The following PTPRG variants were observed in gnomAD, a reference collection of about 807,000 sequenced individuals.
PTPRG encodes the protein receptor-type tyrosine-protein phosphatase gamma.
A neutral mutation model predicts 165.3 loss-of-function variants in PTPRG; 102 were observed. The ratio of observed to expected loss-of-function variants is 0.62; its 90% CI spans 0.53 to 0.73. PTPRG has a LOEUF of 0.73. Among genes scored for constraint, PTPRG ranks in the 30% least tolerant of loss-of-function variants. The pLI, the probability that PTPRG is intolerant of heterozygous loss-of-function variation, is 0.00. For synonymous variants in PTPRG, 675 were observed against 669.5 expected (o/e 1.01, Z -0.13); for missense variants, 1,866 against 1,861.4 (o/e 1.00, Z -0.05).
At chr3:62,264,145 GAA>G (rs778448006) in intron 17 of PTPRG, 19 of 130,598 alleles carry the variant, frequency 1.5e-4, no homozygotes, top group Non-Finnish European at 1.8e-4. Context: ...GACTCCATCT[GAA>G]AAAAAAAAAA....
Position 62,080,061 on chromosome 3 carries a change from C to CTTTTTTTTTTTTT in PTPRG, c.615+1803_615+1804insTTTTTTTTTTTTT, listed in dbSNP as rs774262138. ...GAGTTCTGTCTGGACCCCTTCGGTT[C>CTTTTTTTTTTTTT]ATTTTTTTTTTTTTTTTTTTTGAGA... On this transcript the variant is annotated intron_variant, in intron 5 of 29. Transcript: ENST00000474889. Among the ~76,000 whole-genome samples the CTTTTTTTTTTTTT allele has an allele frequency of 5.4e-5, 6 of 111,568 alleles. 1 individual carries two copies. The highest frequency in any genetic ancestry group is 9.5e-5 in the Admixed American group (1 of 10,570). 73.2% of individuals were successfully genotyped at this position (111,568 alleles called of 152,430 possible).
chr3:61,970,801 A>C (rs2040364961), intron 2 of PTPRG, among the ~76,000 whole-genome samples: 1 of 150,122 alleles, frequency 6.7e-6, no homozygotes, highest in Non-Finnish European at 1.5e-5. Flanking sequence ...TCACCCAATA[A>C]AGGAATTTGA....
At chr3:62,107,651 C>T (rs968708413) in intron 5 of PTPRG, among the ~76,000 whole-genome samples, 1 of 152,106 alleles carries the variant, frequency 6.6e-6, no homozygotes, top group African/African-American at 2.4e-5. Context: ...ATGTACAAAA[C>T]ACATATTTTG....
At chr3:61,638,733 C>T (rs1187279634) in intron 1 of PTPRG, among the ~76,000 whole-genome samples, 3 of 151,568 alleles carry the variant, frequency 2.0e-5, no homozygotes, top group African/African-American at 4.8e-5. Context: ...CCACCGTGCC[C>T]AGCCTTGCCA....
rs372266261 is a variant in PTPRG, at chr3:62,026,766, G to T, written c.519+23269G>T. ...CCAGGCGTGGTGGCACGTGCCTGTA[G>T]TCCCAGCTACTCAGGAGTCTGAGGC... On this transcript the variant is annotated intron_variant, in intron 4 of 29. Transcript: ENST00000474889. 2.0e-5 allele frequency among the ~76,000 whole-genome samples: 3 copies of T among 151,378 alleles called. 1 individual carries two copies. The highest frequency in any genetic ancestry group is 7.3e-5 in the African/African-American group (3 of 41,162).
intron 1 of PTPRG, among the ~76,000 whole-genome samples, chr3:61,647,751 C>T (rs985106451): frequency 7.1e-6 from 1 of 141,638 alleles, no homozygotes; most frequent in Non-Finnish European, 1.5e-5. Context: ...GAGATCACAC[C>T]ACTGCACTCC....
chr3:62,229,684 C>T lies in PTPRG; in HGVS notation c.2289-1541C>T, dbSNP rs547099278. ...CTCAGAATTAACTGTCTTCTCCCCC[C>T]GGGGTTAATTATGTCTGTTCTGCTG... On this transcript the variant is annotated intron_variant, in intron 13 of 29. Transcript: ENST00000474889. This position sits in a 1 kb window ranked among gnomAD's most constrained non-coding sequence, Gnocchi z 4.6. Among the ~76,000 whole-genome samples, 4 of 152,312 alleles carry T rather than the reference C, an allele frequency of 2.6e-5. No individual in the cohort carries two copies. Among genetic ancestry groups the T allele is most frequent in the Non-Finnish European group, 4.4e-5 (3 of 68,038 alleles).
chr3:62,198,748 AATG>A (rs1700028689), intron 10 of PTPRG, among the ~76,000 whole-genome samples: 1 of 152,264 alleles, frequency 6.6e-6, no homozygotes, highest in Non-Finnish European at 1.5e-5. Flanking sequence ...GACGAACATC[AATG>A]ATATTCCAAA....
At chr3:61,747,165 G>C (rs2033240831) in intron 1 of PTPRG, among the ~76,000 whole-genome samples, 1 of 152,126 alleles carries the variant, frequency 6.6e-6, no homozygotes, top group African/African-American at 2.4e-5. Flanking sequence ...CCAGTGCTGA[G>C]TTAGGTGCTC....
chr3:62,033,576 G>A (rs1006249490), intron 4 of PTPRG, among the ~76,000 whole-genome samples: 10 of 125,932 alleles, frequency 7.9e-5, no homozygotes, highest in Admixed American at 7.8e-4. Context: ...TGTGTTCCAC[G>A]CTGGTCTTGA....
intron 2 of PTPRG, among the ~76,000 whole-genome samples, chr3:61,782,664 A>G (rs1413437253): frequency 6.6e-6 from 1 of 152,226 alleles, no homozygotes; most frequent in Non-Finnish European, 1.5e-5. Flanking sequence ...GCTGAAAGAG[A>G]AAACTGAAGA....
intron 9 of PTPRG, among the ~76,000 whole-genome samples, chr3:62,193,263 A>G (rs1018850552): frequency 3.3e-5 from 5 of 152,226 alleles, no homozygotes; most frequent in Non-Finnish European, 7.3e-5. Flanking sequence ...TCTTGGAGTG[A>G]ATTCTAATAA....
intron 2 of PTPRG, among the ~76,000 whole-genome samples, chr3:61,935,443 C>T (rs923778737): frequency 3.3e-5 from 5 of 152,056 alleles, no homozygotes; most frequent in African/African-American, 1.2e-4. Context: ...CACACCCAAC[C>T]CCACCAAAAA....
At chr3:61,864,835 T>A (rs2037362453) in intron 2 of PTPRG, among the ~76,000 whole-genome samples, 1 of 152,214 alleles carries the variant, frequency 6.6e-6, no homozygotes, top group Admixed American at 6.5e-5. Flanking sequence ...GTGTGGTATC[T>A]GTTCTCTCAT....
chr3:62,122,411 C>T (rs1444547489), intron 5 of PTPRG, among the ~76,000 whole-genome samples: 1 of 152,108 alleles, frequency 6.6e-6, no homozygotes, highest in African/African-American at 2.4e-5. Context: ...ACTTAATCTG[C>T]AGAGACTACA....
rs555559497 is a variant in PTPRG at position 61,978,880 on chromosome 3, C to T, written c.191-10745C>T. On this transcript the variant is annotated intron_variant, in intron 2 of 29. Transcript: ENST00000474889. Reference sequence around the variant, plus strand: ...TCACAGGCCATAGTTTGCAAATGCCCGTTTTGGAGCATGGTTTAGTCCCGT... The same window carrying T: ...TCACAGGCCATAGTTTGCAAATGCCTGTTTTGGAGCATGGTTTAGTCCCGT... Among the ~76,000 whole-genome samples the T allele has an allele frequency of 6.6e-5, 10 of 152,150 alleles. 1 individual carries two copies. In the South Asian group the frequency reaches 1.5e-3, roughly 22 times the overall value.
At chr3:62,178,953 A>C (rs920947855) in intron 8 of PTPRG, among the ~76,000 whole-genome samples, 1 of 152,200 alleles carries the variant, frequency 6.6e-6, no homozygotes, top group Non-Finnish European at 1.5e-5. Context: ...CTTTTTCACT[A>C]ACTAGCATTC....
At chr3:61,942,268 C>T (rs552718972) in intron 2 of PTPRG, among the ~76,000 whole-genome samples, 16 of 152,270 alleles carry the variant, frequency 1.1e-4, no homozygotes, top group African/African-American at 3.9e-4. Context: ...AGCCATGGTC[C>T]TCAGCCATCT....
chr3:62,249,014 G>A (rs2106965473), intron 15 of PTPRG, among the ~76,000 whole-genome samples: 1 of 152,264 alleles, frequency 6.6e-6, no homozygotes, highest in East Asian at 1.9e-4. Flanking sequence ...CTCCAAAAGA[G>A]ATTCATTGGT....
Sources: allele counts gnomAD v4.1 joint callset (sites outside exome capture counted in the v4.1 genomes callset), GRCh38; gene constraint gnomAD v4.1.1; non-coding constraint Gnocchi (gnomAD v3.1); transcripts MANE v1.5; gene names NCBI Gene and HGNC (gene_info 2026-07-23, HGNC 2026-07-21).